The following CCSER1 variants were observed in gnomAD, a reference collection of about 807,000 sequenced individuals.
CCSER1 encodes the protein serine-rich coiled-coil domain-containing protein 1.
In CCSER1, 41 loss-of-function variants were observed where a neutral mutation model predicts 82.0. The observed-to-expected ratio is 0.50, with a 90% confidence interval of 0.39 to 0.65. The LOEUF is 0.65. CCSER1 is among the 30% of genes least tolerant of loss of function. The probability of loss-of-function intolerance (pLI) is 0.00; values close to 1 mark genes in which losing one functional copy is unlikely to be tolerated. For synonymous variants in CCSER1, 414 were observed against 383.9 expected, an observed-to-expected ratio of 1.08 and a Z score of -0.92; for missense variants, 1,119 against 1,064.2, an observed-to-expected ratio of 1.05 and a Z score of -0.72.
At chr4:90,841,344 C>T (rs61614497) in intron 8 of CCSER1, among the ~76,000 whole-genome samples, 2,712 of 152,030 alleles carry the variant, frequency 0.018, 61 homozygotes, top group African/African-American at 0.057. Flanking sequence ...TTTGGGAGGC[C>T]GAGGCGGGTA....
chr4:91,332,902 G>T (rs1175454141), intron 10 of CCSER1, among the ~76,000 whole-genome samples: 1 of 151,850 alleles, frequency 6.6e-6, no homozygotes, highest in African/African-American at 2.4e-5. Flanking sequence ...ATTAAAAATG[G>T]CCACATAAGT....
At chr4:91,344,650 A>G (rs1747939099) in intron 10 of CCSER1, among the ~76,000 whole-genome samples, 1 of 134,192 alleles carries the variant, frequency 7.5e-6, no homozygotes, top group South Asian at 2.1e-4. Flanking sequence ...TACAAAGGAA[A>G]AAAAAAAAGG....
At chr4:91,293,254 G>A (rs1743897572) in intron 10 of CCSER1, among the ~76,000 whole-genome samples, 1 of 151,860 alleles carries the variant, frequency 6.6e-6, no homozygotes, top group Non-Finnish European at 1.5e-5. Context: ...AGAATCACGT[G>A]TACATATATA....
intron 1 of CCSER1, among the ~76,000 whole-genome samples, chr4:90,212,161 C>T (rs764152359): frequency 1.3e-5 from 2 of 152,120 alleles, no homozygotes; most frequent in Non-Finnish European, 2.9e-5. Flanking sequence ...TAAATTGCCA[C>T]AATAAGATTC....
chr4:90,522,315 T>G (rs546000291), intron 5 of CCSER1, among the ~76,000 whole-genome samples: 1 of 152,292 alleles, frequency 6.6e-6, no homozygotes, highest in South Asian at 2.1e-4. Context: ...GTAGGTTCTG[T>G]TATAGAATAT....
At chr4:91,146,367 T>A (rs1431396044) in intron 10 of CCSER1, among the ~76,000 whole-genome samples, 2 of 152,188 alleles carry the variant, frequency 1.3e-5, no homozygotes, top group Non-Finnish European at 2.9e-5. Flanking sequence ...ATTTCAACAT[T>A]CTCTTGAATC....
At chr4:91,486,992 C>A (rs986907943) in intron 10 of CCSER1, among the ~76,000 whole-genome samples, 6 of 151,980 alleles carry the variant, frequency 3.9e-5, no homozygotes, top group African/African-American at 1.4e-4. Context: ...ATTGTGAAGT[C>A]TTGATATACA....
At chr4:90,487,881 C>A (rs1767358273) in intron 5 of CCSER1, among the ~76,000 whole-genome samples, 1 of 152,064 alleles carries the variant, frequency 6.6e-6, no homozygotes, top group Non-Finnish European at 1.5e-5. Flanking sequence ...ACCTAGTGAT[C>A]TGCCCACCTT....
chr4:90,563,072 T>C (rs772532050), intron 5 of CCSER1, among the ~76,000 whole-genome samples: 3 of 152,068 alleles, frequency 2.0e-5, no homozygotes, highest in Non-Finnish European at 4.4e-5. Flanking sequence ...TTTTATAATT[T>C]TATTTCATTA....
chr4:91,565,869 G>A (rs2110267980), intron 10 of CCSER1, among the ~76,000 whole-genome samples: 1 of 152,106 alleles, frequency 6.6e-6, no homozygotes, highest in East Asian at 1.9e-4. Flanking sequence ...TTCCCATTTG[G>A]ATGCCCTTTA....
intron 1 of CCSER1, among the ~76,000 whole-genome samples, chr4:90,296,244 A>G (rs1245226659): frequency 6.6e-6 from 1 of 152,126 alleles, no homozygotes; most frequent in African/African-American, 2.4e-5. Context: ...ATGTGCAGTC[A>G]AAGTGATCAA....
intron 3 of CCSER1, among the ~76,000 whole-genome samples, chr4:90,317,264 G>A (rs530260902): frequency 5.9e-5 from 9 of 152,222 alleles, no homozygotes; most frequent in African/African-American, 2.2e-4. Context: ...ACCTGGTACC[G>A]TTAAAGGAAG....
rs757275965 is a variant in CCSER1 at position 90,308,890 on chromosome 4, A to T, written c.606A>T (p.Ser202=). 2 of 1,613,856 alleles carry T rather than the reference A, an allele frequency of 1.2e-6. No individual in the cohort carries two copies. The highest frequency in any genetic ancestry group is 1.7e-6 in the Non-Finnish European group (2 of 1,179,824). Reference sequence around the variant, plus strand: ...CAGTTCTACAGAGCCAATCCATTTCATTGGTACAACAGTCTGAATTCTCAT... The same window carrying T: ...CAGTTCTACAGAGCCAATCCATTTCTTTGGTACAACAGTCTGAATTCTCAT... The part of the protein sequence containing the change: ...SKPVLQSQSI[S]LVQQSEFSLE... The change falls in exon 2 of 11, where the codon TCA becomes TCT. Residue 202 remains serine (S), a synonymous_variant. Coordinates refer to ENST00000509176, the MANE Select transcript of CCSER1 (RefSeq NM_001145065.2).
chr4:91,085,338 A>C (rs1723269638), intron 9 of CCSER1, among the ~76,000 whole-genome samples: 1 of 152,148 alleles, frequency 6.6e-6, no homozygotes, highest in South Asian at 2.1e-4. Flanking sequence ...AGTTTTTGCC[A>C]TTACTTTTAA....
intron 1 of CCSER1, among the ~76,000 whole-genome samples, chr4:90,270,297 A>G (rs1006732208): frequency 6.6e-6 from 1 of 152,116 alleles, no homozygotes; most frequent in Admixed American, 6.6e-5. Flanking sequence ...TCAGCAACAC[A>G]TTAAAAAGAT....
chr4:90,403,190 A>G (rs993735013), intron 4 of CCSER1, among the ~76,000 whole-genome samples: 3 of 152,214 alleles, frequency 2.0e-5, no homozygotes, highest in Non-Finnish European at 4.4e-5. Context: ...TTTATTTATT[A>G]AGCAACATAA....
chr4:90,841,366 G>C (rs148720546), intron 8 of CCSER1, among the ~76,000 whole-genome samples: 2,307 of 151,878 alleles, frequency 0.015, 65 homozygotes, highest in African/African-American at 0.052. Flanking sequence ...ATCACGAGGT[G>C]AGGAGATCGA....
rs560458222 is a variant in CCSER1, at chr4:91,505,037, A to G, written c.2218-93535A>G. 2.0e-5 allele frequency among the ~76,000 whole-genome samples: 3 copies of G among 152,268 alleles called. No individual in the cohort carries two copies. The South Asian group carries it at 6.2e-4, about 32-fold the overall frequency. On this transcript the variant is annotated intron_variant, in intron 10 of 10. Transcript: ENST00000509176. ...GGTGATTTGCTGCACCTATCAACCC[A>G]TCACCTATGTATTAAGCCCTGCATG...
At chr4:90,915,211 G>T (rs1218718305) in intron 8 of CCSER1, among the ~76,000 whole-genome samples, 1 of 151,862 alleles carries the variant, frequency 6.6e-6, no homozygotes, top group Non-Finnish European at 1.5e-5. Context: ...AGACACAACA[G>T]AAAAAGAGAA....
Sources: gnomAD v4.1 joint callset for allele counts (sites outside exome capture counted in the v4.1 genomes callset) on GRCh38, gnomAD v4.1.1 for gene constraint, MANE v1.5 for transcripts, NCBI Gene and HGNC (gene_info 2026-07-23, HGNC 2026-07-21) for gene names.